Variants in DDX42 observed in about 807,000 individuals in gnomAD.
DDX42 encodes ATP-dependent RNA helicase DDX42.
A neutral mutation model predicts 101.5 loss-of-function variants in DDX42; 22 were observed. The observed-to-expected ratio is 0.22, with a 90% CI of 0.15 to 0.31. The LOEUF (loss-of-function observed/expected upper bound fraction) is 0.31. Among genes scored for constraint, DDX42 ranks in the 10% least tolerant of loss-of-function variants. The pLI, the probability that DDX42 is intolerant of heterozygous loss-of-function variation, is 1.00. For synonymous variants in DDX42, 402 were observed against 401.2 expected, an observed-to-expected ratio of 1.00 and a Z score of -0.02; for missense variants, 849 against 1,199.9, an observed-to-expected ratio of 0.71 and a Z score of 4.32.
In DDX42 at chr17:63,806,775, G is replaced by A; in HGVS notation, c.846+121G>A. ...GTAGAACCTTGTTGATAAGGATAGA[G>A]GTATTTATCACTCTTAAGAAGTCAC... On this transcript the variant is annotated intron_variant, in intron 8 of 17. Transcript: ENST00000389924. 6 of 1,090,688 alleles carry A rather than the reference G, an allele frequency of 5.5e-6. No homozygotes were observed. In the South Asian group the frequency reaches 1.4e-4, roughly 25 times the overall value. The allele number at this position is 1,090,688 out of a possible 1,614,324, so 67.6% of individuals were successfully genotyped here.
At chr17:63,785,602 T>TAA (rs35420075) in intron 1 of DDX42, among the ~76,000 whole-genome samples, 10 of 140,190 alleles carry the variant, frequency 7.1e-5, no homozygotes, top group Admixed American at 1.4e-4. Context: ...CCCTGTTCCT[T>TAA]AAAAAAAAAA....
chr17:63,814,698 T>C (rs932154250), intron 15 of DDX42, among the ~76,000 whole-genome samples: 64 of 113,540 alleles, frequency 5.6e-4, no homozygotes, highest in African/African-American at 2.1e-3. Flanking sequence ...TTTTTTTTTT[T>C]CTTTTTTCTG....
intron 2 of DDX42, among the ~76,000 whole-genome samples, chr17:63,788,704 T>C (rs1261391460): frequency 1.3e-5 from 2 of 152,174 alleles, no homozygotes; most frequent in Admixed American, 6.6e-5. Context: ...TGGTAAATGC[T>C]TTTTACCAAT....
intron 14 of DDX42, among the ~76,000 whole-genome samples, chr17:63,812,571 T>G (rs2039924838): frequency 6.6e-6 from 1 of 152,246 alleles, no homozygotes; most frequent in Admixed American, 6.5e-5. Flanking sequence ...GAACAGTTTT[T>G]GGAATATAAT....
upstream of DDX42, chr17:63,773,825 A>G (rs954719665): frequency 2.0e-5 from 3 of 152,812 alleles, no homozygotes; most frequent in African/African-American, 7.2e-5. Flanking sequence ...TCCGGAAGCT[A>G]AAGGTGGCCA....
chr17:63,789,736 G>C (rs1456217037), intron 2 of DDX42, among the ~76,000 whole-genome samples: 1 of 151,384 alleles, frequency 6.6e-6, no homozygotes, highest in Non-Finnish European at 1.5e-5. Flanking sequence ...ACCACGCCTG[G>C]CTAATTTTGT....
At chr17:63,795,294 GT>G (rs1206499445) in intron 3 of DDX42, among the ~76,000 whole-genome samples, 16 of 152,310 alleles carry the variant, frequency 1.1e-4, no homozygotes, top group African/African-American at 3.8e-4. Flanking sequence ...ATCAATCCCT[GT>G]TTTCTTCTTA....
At chr17:63,787,353 T>G in intron 2 of DDX42, 83 bp downstream of exon 2, 1 of 1,360,180 alleles carries the variant, frequency 7.4e-7, no homozygotes, top group Non-Finnish European at 1.0e-6. Flanking sequence ...CAAAGAAACT[T>G]TGTTTCTCAA....
At chr17:63,791,274 A>G (rs1458656477) in intron 2 of DDX42, among the ~76,000 whole-genome samples, 1 of 152,186 alleles carries the variant, frequency 6.6e-6, no homozygotes, top group Admixed American at 6.5e-5. Flanking sequence ...ATACTTAAGT[A>G]GTATCTTAAA....
intron 3 of DDX42, among the ~76,000 whole-genome samples, chr17:63,796,196 A>G (rs1008805085): frequency 6.6e-6 from 1 of 152,232 alleles, no homozygotes; most frequent in African/African-American, 2.4e-5. Context: ...GAATTAAAAG[A>G]AAAATTAGCT....
intron 15 of DDX42, among the ~76,000 whole-genome samples, chr17:63,813,698 C>T (rs1278758423): frequency 6.6e-6 from 1 of 152,200 alleles, no homozygotes; most frequent in Non-Finnish European, 1.5e-5. Context: ...GCTGTAATTT[C>T]TACCCCATAG....
intron 15 of DDX42, among the ~76,000 whole-genome samples, 162 bp downstream of exon 15, chr17:63,813,616 C>T (rs1567746117): frequency 6.6e-6 from 1 of 152,182 alleles, no homozygotes; most frequent in Non-Finnish European, 1.5e-5. Flanking sequence ...TAAAATTCAT[C>T]TAGTCTTATC....
intron 3 of DDX42, 26 bp from the exon 4 acceptor site, chr17:63,798,012 T>A (rs1275089646): frequency 1.9e-6 from 3 of 1,592,814 alleles, no homozygotes; most frequent in Middle Eastern, 1.7e-4. Flanking sequence ...GTTGATGTCA[T>A]TCTATACAGC....
chr17:63,794,130 C>T (rs2039663123), intron 3 of DDX42, among the ~76,000 whole-genome samples: 1 of 152,150 alleles, frequency 6.6e-6, no homozygotes, highest in Non-Finnish European at 1.5e-5. Flanking sequence ...TCCTACTTTA[C>T]ACTCTCGTAA....
At chr17:63,791,436 C>T (rs972205356) in intron 2 of DDX42, among the ~76,000 whole-genome samples, 6 of 152,204 alleles carry the variant, frequency 3.9e-5, no homozygotes, top group South Asian at 2.1e-4. Context: ...CTCAGCCTCC[C>T]GAGTAGCTGG....
At chr17:63,814,675 C>CTTTTTT (rs58211962) in intron 15 of DDX42, among the ~76,000 whole-genome samples, 3,296 of 90,664 alleles carry the variant, frequency 0.036, 14 homozygotes, top group East Asian at 0.056. Context: ...GAGACATTTG[C>CTTTTTT]TTTTTTTTTT....
chr17:63,812,201 T>G lies in DDX42; in HGVS notation c.1668T>G (p.Asp556Glu), dbSNP rs2039918674. ...KKDIPVLVATDVAARGLDIPS... is the reference protein window; with the variant it reads ...KKDIPVLVATEVAARGLDIPS... ...ACATCCCAGTCCTGGTGGCCACAGA[T>G]GTTGCAGGTAGAGTATGAATTTTTC... is the stretch of plus-strand genomic sequence containing the variant. Residue 556 changes from aspartate (D) to glutamate (E), a missense_variant, in exon 14 of 18, where the codon GAT becomes GAG. Asp to Glu is a conservative substitution (Grantham distance 45). Coordinates refer to ENST00000389924, the MANE Select transcript of DDX42 (RefSeq NM_203499.3). The G allele has an allele frequency of 6.2e-7, 1 of 1,612,026 alleles. No homozygotes were observed. The highest frequency in any genetic ancestry group is 1.3e-5 in the African/African-American group (1 of 74,750).
Position 63,787,290 on chromosome 17 carries a change from A to C in DDX42, c.221+20A>C. The stretch of plus-strand genomic sequence containing the variant: ...AAATGCGTAAGTGGTAATTCCTGGT[A>C]GTGTAGCAAAGTTTGGACTTTGATA... On this transcript the variant is annotated intron_variant, in intron 2 of 17. Transcript: ENST00000389924. The C allele has an allele frequency of 6.2e-7, 1 of 1,611,526 alleles. No individual in the cohort carries two copies. Among genetic ancestry groups the C allele is most frequent in the Non-Finnish European group, 8.5e-7 (1 of 1,178,250 alleles).
At chr17:63,792,323 GAT>G in intron 2 of DDX42, 87 bp from the exon 3 acceptor site, 1 of 1,402,946 alleles carries the variant, frequency 7.1e-7, no homozygotes, top group Admixed American at 2.0e-5. Flanking sequence ...CTAATAATAA[GAT>G]ATACCATAAT....
Sources: allele counts gnomAD v4.1 joint callset (sites outside exome capture counted in the v4.1 genomes callset), GRCh38; gene constraint gnomAD v4.1.1; transcripts MANE v1.5; gene names NCBI Gene and HGNC (gene_info 2026-07-23, HGNC 2026-07-21).